FAAH2: variants seen among roughly 807,000 people sequenced by gnomAD.
The protein encoded by FAAH2 is fatty-acid amide hydrolase 2.
Under a neutral mutation model 36.9 loss-of-function variants are expected in FAAH2, and 60 were observed. The ratio of observed to expected loss-of-function variants is 1.63; its 90% confidence interval spans 1.32 to 2.02. FAAH2 has a LOEUF of 2.02. FAAH2 is among the 30% of genes most tolerant of loss of function. The pLI is 0.00. For synonymous variants in FAAH2, 214 were observed against 143.8 expected, an observed-to-expected ratio of 1.49 and a Z score of -3.49; for missense variants, 689 against 397.5, an observed-to-expected ratio of 1.73 and a Z score of -6.23.
the FAAH2 span, among the ~76,000 whole-genome samples, chrX:57,276,368 A>G: frequency 8.9e-6 from 1 of 112,158 alleles, no homozygotes; most frequent in Non-Finnish European, 1.9e-5. Context: ...ATGTTCTCTG[A>G]AACCAACAAG....
At chrX:57,450,970 C>A (rs2056772949) in intron 10 of FAAH2, among the ~76,000 whole-genome samples, 1 of 111,338 alleles carries the variant, frequency 9.0e-6, no homozygotes, top group Non-Finnish European at 1.9e-5. Context: ...TAGAATTGTT[C>A]TGAGTTTTAC....
In FAAH2 at chrX:57,316,367, GA is replaced by G. The variant is rs1258444657; in HGVS notation, c.412+5644del. On this transcript the variant is annotated intron_variant, in intron 3 of 10. Coordinates refer to ENST00000374900, the MANE Select transcript of FAAH2 (RefSeq NM_174912.4). ...ACCAAAGACATTTTTCAAAGAATTG[GA>G]AAAAACCTATTTTAAAATTCATATG... Among the ~76,000 whole-genome samples the G allele has an allele frequency of 3.6e-5, 4 of 111,566 alleles. No homozygotes were observed. In the Admixed American group the frequency reaches 3.8e-4, roughly 11 times the overall value.
At chrX:57,487,980 C>T (rs1409776764) in intron 10 of FAAH2, among the ~76,000 whole-genome samples, 3 of 111,324 alleles carry the variant, frequency 2.7e-5, no homozygotes, top group African/African-American at 6.5e-5. Flanking sequence ...TTTATATAAA[C>T]CTTGAAAACA....
chrX:57,265,624 G>T, the FAAH2 span, among the ~76,000 whole-genome samples: 1 of 111,802 alleles, frequency 8.9e-6, no homozygotes, highest in African/African-American at 3.3e-5. Flanking sequence ...CATCACTTGG[G>T]GGGTAACTCC....
chrX:57,211,726 C>G, the FAAH2 span, among the ~76,000 whole-genome samples: 1 of 111,771 alleles, frequency 8.9e-6, no homozygotes, highest in African/African-American at 3.3e-5. Flanking sequence ...GCCACCCTGG[C>G]TACTCAGGAG....
chrX:57,395,134 G>A (rs1334424523), intron 7 of FAAH2: 1 of 536,599 alleles, frequency 1.9e-6, no homozygotes, highest in African/African-American at 2.3e-5. Flanking sequence ...CCCGTGTACA[G>A]TAGAGTCTTC....
chrX:57,454,983 G>A (rs972666784), intron 10 of FAAH2, among the ~76,000 whole-genome samples: 6 of 110,583 alleles, frequency 5.4e-5, no homozygotes, highest in East Asian at 2.8e-4. Context: ...ATGACAAACC[G>A]GAAGGTACAT....
intron 7 of FAAH2, among the ~76,000 whole-genome samples, chrX:57,383,558 GA>G (rs1181671223): frequency 9.0e-6 from 1 of 111,619 alleles, no homozygotes; most frequent in African/African-American, 3.3e-5. Flanking sequence ...AATCATGAGT[GA>G]ACTCCCATTC....
intron 2 of FAAH2, among the ~76,000 whole-genome samples, chrX:57,294,200 T>C (rs1042646125): frequency 8.9e-6 from 1 of 112,432 alleles, no homozygotes; most frequent in Admixed American, 9.4e-5. Context: ...GCTCAATAAA[T>C]GGAGCTGTCC....
chrX:57,340,691 A>T (rs889282023), intron 4 of FAAH2, among the ~76,000 whole-genome samples: 2 of 111,916 alleles, frequency 1.8e-5, no homozygotes, highest in Non-Finnish European at 3.8e-5. Flanking sequence ...GAATGCAGGG[A>T]TAGAAAAGCA....
the FAAH2 span, among the ~76,000 whole-genome samples, chrX:57,278,525 G>A: frequency 9.0e-6 from 1 of 111,113 alleles, no homozygotes; most frequent in African/African-American, 3.3e-5. Context: ...CATGGGCAAG[G>A]ACTTCATGAC....
In FAAH2 at chrX:57,364,371, T is replaced by G. The variant is rs144170906; in HGVS notation, c.743-14280T>G. Among the ~76,000 whole-genome samples the G allele has an allele frequency of 8.7e-3, 943 of 108,196 alleles. 2 individuals are homozygous for G. Among genetic ancestry groups the G allele is most frequent in the Non-Finnish European group, 0.012 (647 of 52,168 alleles). 94.0% of individuals were successfully genotyped at this position (108,196 alleles called of 115,157 possible). On this transcript the variant is annotated intron_variant, in intron 5 of 10. Transcript: ENST00000374900. ...GTGTTTGTAATAGTCTCTACAGATTTTTTTGTGTTTCTGTGTGGTCACATG... is the reference window on the plus strand; with the variant it reads ...GTGTTTGTAATAGTCTCTACAGATTGTTTTGTGTTTCTGTGTGGTCACATG...
At chrX:57,132,633 T>C in the FAAH2 span, among the ~76,000 whole-genome samples, 1 of 112,579 alleles carries the variant, frequency 8.9e-6, no homozygotes, top group African/African-American at 3.2e-5. Context: ...TCACCACCAT[T>C]ATCTGTTACT....
At chrX:57,332,790 C>G (rs1251005873) in intron 4 of FAAH2, among the ~76,000 whole-genome samples, 1 of 111,669 alleles carries the variant, frequency 9.0e-6, no homozygotes, top group Admixed American at 9.5e-5. Flanking sequence ...GAAAAAGTAG[C>G]CATTTTGAAA....
the FAAH2 span, among the ~76,000 whole-genome samples, chrX:57,124,657 G>C: frequency 9.0e-6 from 1 of 111,567 alleles, no homozygotes; most frequent in Non-Finnish European, 1.9e-5. Context: ...TCTTCCATTT[G>C]TTTGTATCCT....
At chrX:57,428,078 A>C (rs1007053446) in intron 7 of FAAH2, among the ~76,000 whole-genome samples, 1 of 111,927 alleles carries the variant, frequency 8.9e-6, no homozygotes, top group African/African-American at 3.2e-5. Flanking sequence ...ATCTATGTAC[A>C]AAAATTACTA....
intron 3 of FAAH2, among the ~76,000 whole-genome samples, chrX:57,324,340 C>A (rs1365409501): frequency 9.0e-6 from 1 of 111,700 alleles, no homozygotes; most frequent in African/African-American, 3.3e-5. Context: ...TTTGGTTCCA[C>A]ATGAACTTTA....
At chrX:57,372,192 T>C (rs2054569207) in intron 5 of FAAH2, among the ~76,000 whole-genome samples, 2 of 111,848 alleles carry the variant, frequency 1.8e-5, no homozygotes, top group South Asian at 3.7e-4. Context: ...GGAATAGTAG[T>C]TCTATTTTTT....
intron 3 of FAAH2, among the ~76,000 whole-genome samples, chrX:57,321,893 A>G (rs2053035435): frequency 8.9e-6 from 1 of 111,922 alleles, no homozygotes; most frequent in Non-Finnish European, 1.9e-5. Flanking sequence ...ATTACCTATT[A>G]TTTCCATATT....
Sources: gnomAD v4.1 joint callset for allele counts (sites outside exome capture counted in the v4.1 genomes callset) on GRCh38, gnomAD v4.1.1 for gene constraint, MANE v1.5 for transcripts, NCBI Gene and HGNC (gene_info 2026-07-23, HGNC 2026-07-21) for gene names.